The following SPAST variants were observed in gnomAD, a reference collection of about 807,000 sequenced individuals.
The protein encoded by SPAST is spastin.
In SPAST, 30 loss-of-function variants were observed where a neutral mutation model predicts 76.6. That is an observed-to-expected ratio of 0.39 (90% CI 0.29 to 0.53). The LOEUF (loss-of-function observed/expected upper bound fraction) is 0.53. Among genes scored for constraint, SPAST ranks in the 20% least tolerant of loss-of-function variants. The probability of loss-of-function intolerance (pLI) is 0.68; values close to 1 mark genes in which losing one functional copy is unlikely to be tolerated. For synonymous variants in SPAST, 305 were observed against 281.0 expected (o/e 1.09, Z -0.86); for missense variants, 717 against 770.5 (o/e 0.93, Z 0.82).
chr2:32,150,974 C>T (rs922889190), intron 16 of SPAST, among the ~76,000 whole-genome samples: 5 of 115,560 alleles, frequency 4.3e-5, no homozygotes, highest in East Asian at 3.4e-4. Context: ...GACTGAGTTT[C>T]GCTGTTGTTG....
intron 1 of SPAST, among the ~76,000 whole-genome samples, chr2:32,084,504 G>T (rs190310798): frequency 1.5e-4 from 23 of 151,970 alleles, no homozygotes; most frequent in African/African-American, 4.8e-4. Flanking sequence ...GAAACTGCAG[G>T]TATGCATTAG....
intron 12 of SPAST, among the ~76,000 whole-genome samples, chr2:32,140,587 A>T (rs975197600): frequency 2.0e-5 from 3 of 151,904 alleles, no homozygotes; most frequent in African/African-American, 7.3e-5. Flanking sequence ...ACTGTACTCT[A>T]GCCTGGGGGA....
intron 7 of SPAST, among the ~76,000 whole-genome samples, chr2:32,119,411 G>A (rs1243761893): frequency 6.6e-6 from 1 of 152,128 alleles, no homozygotes; most frequent in Non-Finnish European, 1.5e-5. Flanking sequence ...TGAGTGGCAG[G>A]CATTCTTGAG....
intron 8 of SPAST, chr2:32,128,186 G>T (rs188369670): frequency 5.3e-4 from 252 of 473,386 alleles, no homozygotes; most frequent in Middle Eastern, 2.6e-3. Flanking sequence ...TTAGAGATGG[G>T]ATTTCACCAT....
chr2:32,085,324 T>C (rs1677431377), intron 1 of SPAST, among the ~76,000 whole-genome samples: 1 of 150,134 alleles, frequency 6.7e-6, no homozygotes, highest in African/African-American at 2.4e-5. Flanking sequence ...TCAAGTGACC[T>C]CTCTCCTCAG....
intron 12 of SPAST, 54 bp downstream of exon 12, chr2:32,137,242 T>C: frequency 1.6e-6 from 2 of 1,260,814 alleles, no homozygotes; most frequent in South Asian, 2.4e-5. Context: ...TATTTACTCA[T>C]GTGTCCATCT....
chr2:32,110,879 G>A (rs1443663170), intron 4 of SPAST, among the ~76,000 whole-genome samples: 1 of 96,000 alleles, frequency 1.0e-5, no homozygotes, highest in Non-Finnish European at 2.0e-5. Context: ...ATACTATATC[G>A]TGTGTATAGA....
intron 1 of SPAST, among the ~76,000 whole-genome samples, chr2:32,074,630 C>T (rs1436033064): frequency 6.6e-6 from 1 of 151,988 alleles, no homozygotes; most frequent in African/African-American, 2.4e-5. Flanking sequence ...CCTCAGCCTC[C>T]CAACTAGCTG....
At chr2:32,139,381 G>A (rs962593009) in intron 12 of SPAST, among the ~76,000 whole-genome samples, 5 of 152,032 alleles carry the variant, frequency 3.3e-5, no homozygotes, top group Admixed American at 6.6e-5. Flanking sequence ...TAAAAATTCC[G>A]TCAAAAGGCT....
At chr2:32,094,801 C>A (rs1379659048) in intron 3 of SPAST, among the ~76,000 whole-genome samples, 2 of 152,170 alleles carry the variant, frequency 1.3e-5, no homozygotes, top group Admixed American at 6.5e-5. Context: ...GAAACCTTGT[C>A]TTTACTAAAA....
In SPAST at chr2:32,079,747, T is replaced by G. The variant is rs946724859; in HGVS notation, c.416-7745T>G. Reference sequence around the variant, plus strand: ...CTAATTTTTGTACTTTTTGTAGAGATAGGGTTTCACCATGTGGTTCACCAT... The same window carrying G: ...CTAATTTTTGTACTTTTTGTAGAGAGAGGGTTTCACCATGTGGTTCACCAT... On this transcript the variant is annotated intron_variant, in intron 1 of 16. Coordinates refer to ENST00000315285, the MANE Select transcript of SPAST (RefSeq NM_014946.4). Among the ~76,000 whole-genome samples, 4 of 152,176 alleles carry G rather than the reference T, an allele frequency of 2.6e-5. No individual in the cohort carries two copies. In the South Asian group the frequency reaches 8.3e-4, roughly 32 times the overall value.
intron 7 of SPAST, among the ~76,000 whole-genome samples, chr2:32,120,305 T>C (rs779047031): frequency 6.6e-6 from 1 of 152,116 alleles, no homozygotes; most frequent in Non-Finnish European, 1.5e-5. Flanking sequence ...AACCCTTAGC[T>C]CCATCATACC....
At chr2:32,076,102 T>C (rs1272954491) in intron 1 of SPAST, among the ~76,000 whole-genome samples, 2 of 151,602 alleles carry the variant, frequency 1.3e-5, no homozygotes, top group African/African-American at 4.8e-5. Flanking sequence ...GGTTTTGTCA[T>C]GTTGTCCAGG....
At chr2:32,071,729 TA>T (rs1676759503) in intron 1 of SPAST, among the ~76,000 whole-genome samples, 1 of 152,206 alleles carries the variant, frequency 6.6e-6, no homozygotes, top group Non-Finnish European at 1.5e-5. Context: ...CAAAAGAGCT[TA>T]TCTAAAGTCC....
intron 12 of SPAST, among the ~76,000 whole-genome samples, chr2:32,141,102 C>G (rs1021064760): frequency 2.0e-5 from 3 of 152,090 alleles, no homozygotes; most frequent in African/African-American, 7.2e-5. Context: ...ATACACTAAA[C>G]TAGCATGCAG....
intron 1 of SPAST, among the ~76,000 whole-genome samples, chr2:32,075,896 CTT>C (rs1209272322): frequency 1.8e-4 from 15 of 81,758 alleles, no homozygotes; most frequent in African/African-American, 1.5e-4. Flanking sequence ...TCAAAATGCT[CTT>C]TTTTTTTTTT....
At position 32,155,316 on chromosome 2, in the gene SPAST, T is replaced by A. The variant is rs1680217756; in HGVS notation, c.*820T>A. On this transcript the variant is annotated 3_prime_UTR_variant, in exon 17 of 17. Transcript: ENST00000315285. ...CTGTTGTAGACTGTTAACTTCTTCCTGATGGAATTTATTTTCTGCAAGAAT... is the reference window on the plus strand; with the variant it reads ...CTGTTGTAGACTGTTAACTTCTTCCAGATGGAATTTATTTTCTGCAAGAAT... 1 of 152,610 alleles carries A rather than the reference T, an allele frequency of 6.6e-6. No individual in the cohort carries two copies. The highest frequency in any genetic ancestry group is 6.5e-5 in the Admixed American group (1 of 15,282). 9.5% of individuals were successfully genotyped at this position (152,610 alleles called of 1,614,324 possible).
At chr2:32,115,452 G>T (rs1393797440) in intron 5 of SPAST, among the ~76,000 whole-genome samples, 2 of 151,784 alleles carry the variant, frequency 1.3e-5, no homozygotes, top group Non-Finnish European at 2.9e-5. Context: ...TTCTAACAAG[G>T]GTTAAAATTT....
At chr2:32,069,206 C>G (rs1234861073) in intron 1 of SPAST, among the ~76,000 whole-genome samples, 1 of 144,508 alleles carries the variant, frequency 6.9e-6, no homozygotes, top group Admixed American at 7.0e-5. Context: ...GAGCAAGACT[C>G]CATCTCTCAA....
Sources: gnomAD v4.1 joint callset for allele counts (sites outside exome capture counted in the v4.1 genomes callset) on GRCh38, gnomAD v4.1.1 for gene constraint, MANE v1.5 for transcripts, NCBI Gene and HGNC (gene_info 2026-07-23, HGNC 2026-07-21) for gene names.